The following TNFSF11 variants were observed in gnomAD, a reference collection of about 807,000 sequenced individuals.
TNFSF11 encodes the protein tumor necrosis factor ligand superfamily member 11.
TNFSF11 carries 12 observed loss-of-function variants against 32.2 expected under a neutral mutation model. The observed-to-expected ratio is 0.37, with a 90% CI of 0.24 to 0.60. TNFSF11 has a LOEUF of 0.60. Ranked by LOEUF, TNFSF11 falls within the 20% of genes least tolerant of loss-of-function variation. The pLI is 0.66. For synonymous variants in TNFSF11, 172 were observed against 152.1 expected (o/e 1.13, Z -0.96); for missense variants, 345 against 398.0 (o/e 0.87, Z 1.13).
At chr13:42,587,202 C>G (rs1051944061) in intron 2 of TNFSF11, among the ~76,000 whole-genome samples, 3 of 152,190 alleles carry the variant, frequency 2.0e-5, no homozygotes, top group African/African-American at 7.2e-5. Flanking sequence ...TAAAAGAAAA[C>G]TGAAGACAGT....
intron 2 of TNFSF11, among the ~76,000 whole-genome samples, chr13:42,568,627 A>T (rs896178113): frequency 6.6e-6 from 1 of 152,208 alleles, no homozygotes; most frequent in African/African-American, 2.4e-5. Flanking sequence ...AAGTTTCATT[A>T]GGTTTTCAGT....
At position 42,604,540 on chromosome 13, in the gene TNFSF11, C is replaced by A. The variant is rs181248268; in HGVS notation, c.533-1957C>A. On this transcript the variant is annotated intron_variant, in intron 4 of 4. Transcript: ENST00000398795. ...TCTTGGTCTTCTCATGATGGGTTGC[C>A]CCACCGTTGGATGGCCCTTGCTGCA... Among the ~76,000 whole-genome samples, 1,168 of 152,196 alleles carry A rather than the reference C, an allele frequency of 7.7e-3. 7 individuals carry two copies. Among genetic ancestry groups the A allele is most frequent in the South Asian group, 0.017 (82 of 4,822 alleles).
chr13:42,563,959 C>T (rs1182113376), intron 1 of TNFSF11, among the ~76,000 whole-genome samples: 1 of 152,144 alleles, frequency 6.6e-6, no homozygotes, highest in Non-Finnish European at 1.5e-5. Flanking sequence ...ACTCCAATTA[C>T]ACATATATTA....
chr13:42,597,241 C>T (rs1043508189), intron 2 of TNFSF11, among the ~76,000 whole-genome samples: 1 of 151,866 alleles, frequency 6.6e-6, no homozygotes, highest in Middle Eastern at 3.4e-3. Flanking sequence ...AGGGGAATTG[C>T]AATCCTTCAA....
chr13:42,581,366 A>G, intron 2 of TNFSF11, 73 bp downstream of exon 2: 1 of 1,532,094 alleles, frequency 6.5e-7, no homozygotes, highest in Non-Finnish European at 9.0e-7. Context: ...AAAACTGGCT[A>G]AGTGCTGTTG....
intron 4 of TNFSF11, among the ~76,000 whole-genome samples, chr13:42,602,733 A>G (rs1416986620): frequency 1.3e-5 from 2 of 152,268 alleles, no homozygotes; most frequent in Non-Finnish European, 2.9e-5. Flanking sequence ...ACTATTTTGC[A>G]TGTTAGCAAA....
chr13:42,593,466 C>T (rs1868617314), intron 2 of TNFSF11, among the ~76,000 whole-genome samples: 1 of 152,058 alleles, frequency 6.6e-6, no homozygotes, highest in Non-Finnish European at 1.5e-5. Context: ...AGCTATTATG[C>T]TAGTCCTAAT....
At chr13:42,577,485 A>G (rs1425372359) in intron 1 of TNFSF11, among the ~76,000 whole-genome samples, 1 of 152,022 alleles carries the variant, frequency 6.6e-6, no homozygotes, top group Non-Finnish European at 1.5e-5. Context: ...TAGTATTCAT[A>G]CTTTGGTTTA....
At chr13:42,602,496 C>T (rs1033945264) in intron 4 of TNFSF11, among the ~76,000 whole-genome samples, 3 of 152,060 alleles carry the variant, frequency 2.0e-5, no homozygotes, top group Non-Finnish European at 2.9e-5. Context: ...TTTTCCTGAC[C>T]GAAGACACAG....
At chr13:42,584,560 T>G (rs1022551581) in intron 2 of TNFSF11, among the ~76,000 whole-genome samples, 3 of 152,204 alleles carry the variant, frequency 2.0e-5, no homozygotes, top group Admixed American at 2.0e-4. Flanking sequence ...GCAATTTGTA[T>G]GTAAAGGTGT....
intron 2 of TNFSF11, among the ~76,000 whole-genome samples, chr13:42,567,068 T>C (rs1159467536): frequency 1.3e-5 from 2 of 152,042 alleles, no homozygotes; most frequent in Middle Eastern, 3.4e-3. Flanking sequence ...AGACCTAATA[T>C]GGCAAAAATA....
intron 2 of TNFSF11, among the ~76,000 whole-genome samples, chr13:42,587,982 C>T (rs1351260138): frequency 6.6e-6 from 1 of 152,164 alleles, no homozygotes; most frequent in African/African-American, 2.4e-5. Context: ...TGCCTCTTTC[C>T]CTTTGTATAC....
At position 42,583,179 on chromosome 13, in the gene TNFSF11, G is replaced by A. The variant is rs145171262; in HGVS notation, c.387+1886G>A. ...TAATCCCAGCACTTTGGGAGGCCGA[G>A]GTGGGAGGATCACGTGAGTCCAGGA... On this transcript the variant is annotated intron_variant, in intron 2 of 4. Coordinates refer to ENST00000398795, the MANE Select transcript of TNFSF11 (RefSeq NM_003701.4). Among the ~76,000 whole-genome samples, 287 of 152,000 alleles carry A rather than the reference G, an allele frequency of 1.9e-3. 2 individuals carry two copies. Among genetic ancestry groups the A allele is most frequent in the Non-Finnish European group, 2.9e-3 (195 of 67,980 alleles).
chr13:42,580,345 A>G (rs149053960), intron 1 of TNFSF11, among the ~76,000 whole-genome samples: 28 of 152,318 alleles, frequency 1.8e-4, no homozygotes, highest in African/African-American at 3.8e-4. Flanking sequence ...TAATTACTCA[A>G]TGGGTATATT....
intron 2 of TNFSF11, among the ~76,000 whole-genome samples, chr13:42,591,743 C>T (rs1868493216): frequency 1.3e-5 from 2 of 152,160 alleles, no homozygotes; most frequent in South Asian, 2.1e-4. Flanking sequence ...ATACTAAAGC[C>T]TATCTCATTA....
intron 2 of TNFSF11, among the ~76,000 whole-genome samples, chr13:42,586,066 G>A (rs1053671645): frequency 3.9e-5 from 6 of 152,176 alleles, no homozygotes; most frequent in African/African-American, 1.2e-4. Context: ...CTGTGCTTTA[G>A]TAAATATTTT....
chr13:42,585,392 G>A (rs902136782), intron 2 of TNFSF11, among the ~76,000 whole-genome samples: 3 of 152,190 alleles, frequency 2.0e-5, no homozygotes, highest in Admixed American at 1.3e-4. Context: ...TGTGCGAAAA[G>A]TGGTGTTTAC....
At chr13:42,569,652 T>C (rs1872991682), upstream of TNFSF11, among the ~76,000 whole-genome samples, 1 of 151,882 alleles carries the variant, frequency 6.6e-6, no homozygotes, top group South Asian at 2.1e-4. Context: ...GGTCAGAGAC[T>C]GGAGTGATGA....
intron 2 of TNFSF11, among the ~76,000 whole-genome samples, chr13:42,568,548 G>A (rs9943924): frequency 0.047 from 7,176 of 152,282 alleles, 550 homozygotes; most frequent in African/African-American, 0.16. Flanking sequence ...AATGTAATAA[G>A]ACCAAGTTGC....
Sources: gnomAD v4.1 joint callset for allele counts (sites outside exome capture counted in the v4.1 genomes callset) on GRCh38, gnomAD v4.1.1 for gene constraint, MANE v1.5 for transcripts, NCBI Gene and HGNC (gene_info 2026-07-23, HGNC 2026-07-21) for gene names.